The following ALDH1L2 variants were observed in gnomAD, a reference collection of about 807,000 sequenced individuals.
The protein encoded by ALDH1L2 is aldehyde dehydrogenase 1 family member L2.
Under a neutral mutation model 111.0 loss-of-function variants are expected in ALDH1L2, and 91 were observed. That is an observed-to-expected ratio of 0.82 (90% CI 0.69 to 0.98). The LOEUF (loss-of-function observed/expected upper bound fraction) is 0.98, where lower values mean the gene tolerates loss of function less well. Among genes scored for constraint, ALDH1L2 ranks in the 50% least tolerant of loss-of-function variants. The probability of loss-of-function intolerance (pLI) is 0.00; values close to 1 mark genes in which losing one functional copy is unlikely to be tolerated. For synonymous variants in ALDH1L2, 374 were observed against 392.6 expected (o/e 0.95, Z 0.56); for missense variants, 995 against 1,126.8 (o/e 0.88, Z 1.67).
At chr12:105,072,121 C>T (rs1877768909) in intron 2 of ALDH1L2, among the ~76,000 whole-genome samples, 1 of 145,306 alleles carries the variant, frequency 6.9e-6, no homozygotes, top group Non-Finnish European at 1.5e-5. Flanking sequence ...AATATATATA[C>T]ATACTATTAT....
At chr12:105,053,731 A>G (rs1165826035) in intron 10 of ALDH1L2, among the ~76,000 whole-genome samples, 1 of 152,118 alleles carries the variant, frequency 6.6e-6, no homozygotes, top group Non-Finnish European at 1.5e-5. Flanking sequence ...ATGGGAATTG[A>G]TGTGTTCAGT....
At chr12:105,038,073 C>T (rs776690374) in intron 18 of ALDH1L2, 30 bp downstream of exon 18, 2 of 1,591,436 alleles carry the variant, frequency 1.3e-6, no homozygotes, top group Non-Finnish European at 1.7e-6. Flanking sequence ...GGCCCAGGCA[C>T]CTATTTACTT....
At chr12:105,052,415 CTCATA>C (rs1164581167) in intron 11 of ALDH1L2, among the ~76,000 whole-genome samples, 198 bp from the exon 12 acceptor site, 2 of 152,062 alleles carry the variant, frequency 1.3e-5, no homozygotes, top group Admixed American at 6.5e-5. Context: ...TTTAGTACTT[CTCATA>C]TCATACTACT....
rs1242047019 is a variant in ALDH1L2, at chr12:105,023,507, A to G, written c.*917T>C. The G allele has an allele frequency of 1.3e-5, 2 of 152,182 alleles. No homozygotes were observed. The highest frequency in any genetic ancestry group is 2.9e-5 in the Non-Finnish European group (2 of 68,036). 9.4% of individuals were successfully genotyped at this position (152,182 alleles called of 1,614,324 possible). A position where few individuals can be genotyped will look rare whatever the true frequency, so the allele number is the denominator to read the frequency against. On this transcript the variant is annotated 3_prime_UTR_variant, in exon 23 of 23. Transcript: ENST00000258494. Reference sequence around the variant, plus strand: ...ATCTCAATATCTTTTAAGAATGGTGACGGAGGAAATCAGAGTTAAATTTGA... The same window carrying G: ...ATCTCAATATCTTTTAAGAATGGTGGCGGAGGAAATCAGAGTTAAATTTGA...
intron 15 of ALDH1L2, among the ~76,000 whole-genome samples, chr12:105,046,249 T>C (rs1439053342): frequency 5.4e-5 from 6 of 110,888 alleles, no homozygotes; most frequent in African/African-American, 7.3e-5. Flanking sequence ...TTTTTTTTTT[T>C]TTGTGAGACA....
rs1367719466 is a variant in ALDH1L2, at chr12:105,036,037, TTA to T, written c.2146-1641_2146-1640del. Among the ~76,000 whole-genome samples, 10 of 103,968 alleles carry T rather than the reference TTA, an allele frequency of 9.6e-5. 3 individuals are homozygous for T. Among genetic ancestry groups the T allele is most frequent in the African/African-American group, 3.3e-4 (7 of 21,434 alleles). The allele number at this position is 103,968 out of a possible 152,430, so 68.2% of individuals were successfully genotyped here. ...ATATATATTATATATATACGTATAT[TTA>T]TATATGTGTATATATATTATATATA... On this transcript the variant is annotated intron_variant, in intron 18 of 22. Transcript: ENST00000258494.
chr12:105,037,552 T>A (rs1286427857), intron 18 of ALDH1L2, among the ~76,000 whole-genome samples: 1 of 152,004 alleles, frequency 6.6e-6, no homozygotes, highest in African/African-American at 2.4e-5. Flanking sequence ...TTGAACTTTT[T>A]TACATGCCTG....
intron 9 of ALDH1L2, 107 bp downstream of exon 9, chr12:105,060,874 G>T: frequency 1.3e-6 from 1 of 777,938 alleles, no homozygotes; most frequent in Non-Finnish European, 2.1e-6. Flanking sequence ...GGTATGATAA[G>T]GTAATCACAT....
chr12:105,032,177 T>C (rs73179903), intron 19 of ALDH1L2, among the ~76,000 whole-genome samples: 12,789 of 137,624 alleles, frequency 0.093, 611 homozygotes, highest in African/African-American at 0.14. Context: ...CGAACTTCTT[T>C]TTTTTTTTTT....
At chr12:105,080,931 A>G (rs563707522) in intron 1 of ALDH1L2, among the ~76,000 whole-genome samples, 10 of 152,342 alleles carry the variant, frequency 6.6e-5, no homozygotes, top group African/African-American at 2.4e-4. Flanking sequence ...TCAACCAACC[A>G]TGAATCGAAA....
intron 15 of ALDH1L2, among the ~76,000 whole-genome samples, chr12:105,043,717 T>C (rs528523527): frequency 2.0e-5 from 3 of 152,372 alleles, no homozygotes; most frequent in Admixed American, 1.3e-4. Context: ...ACAACTCTTT[T>C]CATTTTTATT....
At chr12:105,073,730 T>A (rs1381634401) in intron 2 of ALDH1L2, 131 bp downstream of exon 2, 5 of 1,310,288 alleles carry the variant, frequency 3.8e-6, no homozygotes, top group Non-Finnish European at 5.2e-6. Flanking sequence ...TTCCCACTCT[T>A]TTCCTTCCTG....
In ALDH1L2 at chr12:105,066,550, G is replaced by A. The variant is rs1877364460; in HGVS notation, c.696+18C>T. ...GCCATGAACTCTGAGACGTGTTATT[G>A]AGTTGATATATAAATACCTCAGCAT... On this transcript the variant is annotated intron_variant, in intron 5 of 22. Coordinates refer to ENST00000258494, the MANE Select transcript of ALDH1L2 (RefSeq NM_001034173.4). 6.2e-7 allele frequency: 1 copy of A among 1,602,632 alleles called. No individual in the cohort carries two copies. The highest frequency in any genetic ancestry group is 8.5e-7 in the Non-Finnish European group (1 of 1,169,928).
intron 3 of ALDH1L2, 158 bp downstream of exon 3, chr12:105,070,412 T>G (rs1877612138): frequency 1.6e-6 from 1 of 636,062 alleles, no homozygotes; most frequent in Non-Finnish European, 2.7e-6. Flanking sequence ...TCTGTGTAAT[T>G]AAAAAAGTCT....
At chr12:105,071,936 A>T (rs1046809070) in intron 2 of ALDH1L2, among the ~76,000 whole-genome samples, 8 of 150,376 alleles carry the variant, frequency 5.3e-5, no homozygotes, top group Admixed American at 1.3e-4. Flanking sequence ...AAAAAAACAA[A>T]AATTATTTTT....
Position 105,024,311 on chromosome 12 carries a change from T to C in ALDH1L2, c.*113A>G. The C allele has an allele frequency of 8.6e-7, 1 of 1,160,694 alleles. No homozygotes were observed. Among genetic ancestry groups the C allele is most frequent in the Non-Finnish European group, 1.3e-6 (1 of 778,980 alleles). 71.9% of individuals were successfully genotyped at this position (1,160,694 alleles called of 1,614,324 possible). ...CCTGGCCCTCTTCATGGTCCATCTG[T>C]GTATTTTTTGGTTTGTGGCTGACAC... is the stretch of plus-strand genomic sequence containing the variant. On this transcript the variant is annotated 3_prime_UTR_variant, in exon 23 of 23. Coordinates refer to ENST00000258494, the MANE Select transcript of ALDH1L2 (RefSeq NM_001034173.4).
intron 6 of ALDH1L2, among the ~76,000 whole-genome samples, chr12:105,064,858 T>C (rs2136096637): frequency 6.6e-6 from 1 of 152,278 alleles, no homozygotes; most frequent in African/African-American, 2.4e-5. Context: ...CTGAACTCCT[T>C]TTGCAAGTCC....
At chr12:105,083,476 C>T (rs1878423904) in intron 1 of ALDH1L2, among the ~76,000 whole-genome samples, 2 of 152,194 alleles carry the variant, frequency 1.3e-5, no homozygotes, top group African/African-American at 2.4e-5. Flanking sequence ...TTTGGTGCTA[C>T]TCAAGACTTC....
Position 105,049,960 on chromosome 12 carries a change from C to T in ALDH1L2, c.1634G>A (p.Gly545Glu), listed in dbSNP as rs972175034. ...VYTLALKTHI[G>E]MSVQTFRYFA... Reference sequence around the variant, plus strand: ...ATATCTGAATGTTTGCACAGACATTCCAATGTGTGTCTTCAGGGCCAAGGT... The same window carrying T: ...ATATCTGAATGTTTGCACAGACATTTCAATGTGTGTCTTCAGGGCCAAGGT... The change falls in exon 13 of 23, where the codon GGA becomes GAA. Residue 545 changes from glycine to glutamate, a missense_variant. Gly to Glu is a moderately conservative substitution (Grantham distance 98). Coordinates refer to ENST00000258494, the MANE Select transcript of ALDH1L2 (RefSeq NM_001034173.4). The T allele has an allele frequency of 1.9e-6, 3 of 1,612,652 alleles. No individual in the cohort carries two copies. Among genetic ancestry groups the T allele is most frequent in the Admixed American group, 1.7e-5 (1 of 59,854 alleles).
Sources: gnomAD v4.1 joint callset for allele counts (sites outside exome capture counted in the v4.1 genomes callset) on GRCh38, gnomAD v4.1.1 for gene constraint, MANE v1.5 for transcripts, NCBI Gene and HGNC (gene_info 2026-07-23, HGNC 2026-07-21) for gene names.